Variants in SLC25A44 observed in about 807,000 individuals in gnomAD.
SLC25A44 encodes the protein solute carrier family 25, member 44.
Under a neutral mutation model 29.9 loss-of-function variants are expected in SLC25A44, and 17 were observed. That is an observed-to-expected ratio of 0.57 (90% CI 0.39 to 0.85). The LOEUF (loss-of-function observed/expected upper bound fraction) is 0.85. Ranked by LOEUF, SLC25A44 falls within the 40% of genes least tolerant of loss-of-function variation. The probability of loss-of-function intolerance (pLI) is 0.00; values close to 1 mark genes in which losing one functional copy is unlikely to be tolerated. For synonymous variants in SLC25A44, 140 were observed against 151.8 expected (o/e 0.92, Z 0.57); for missense variants, 302 against 398.4 (o/e 0.76, Z 2.06).
intron 2 of SLC25A44, among the ~76,000 whole-genome samples, chr1:156,201,458 A>G (rs1159249245): frequency 6.6e-6 from 1 of 152,182 alleles, no homozygotes; most frequent in Non-Finnish European, 1.5e-5. Context: ...AACCCTTGGT[A>G]GTGGGCATTC....
At position 156,210,507 on chromosome 1, in the gene SLC25A44, C is replaced by A; in HGVS notation, c.*76C>A. 1 of 1,084,364 alleles carries A rather than the reference C, an allele frequency of 9.2e-7. No homozygotes were observed. The allele number at this position is 1,084,364 out of a possible 1,614,324, so 67.2% of individuals were successfully genotyped here. A position where few individuals can be genotyped will look rare whatever the true frequency, so the allele number is the denominator to read the frequency against. On this transcript the variant is annotated 3_prime_UTR_variant, in exon 4 of 4. Coordinates refer to ENST00000359511, the MANE Select transcript of SLC25A44 (RefSeq NM_014655.4). ...GGCAGAGTGGAGAGGACAGCACCCT[C>A]TCCAGGTGCTCCCACCACACACCCA... is the stretch of plus-strand genomic sequence containing the variant.
chr1:156,210,536 C>A lies in SLC25A44; in HGVS notation c.*105C>A. 1.3e-6 allele frequency: 1 copy of A among 783,108 alleles called. No homozygotes were observed. The highest frequency in any genetic ancestry group is 3.1e-5 in the East Asian group (1 of 32,210). 48.5% of individuals were successfully genotyped at this position (783,108 alleles called of 1,614,324 possible). A position where few individuals can be genotyped will look rare whatever the true frequency, so the allele number is the denominator to read the frequency against. On this transcript the variant is annotated 3_prime_UTR_variant, in exon 4 of 4. Transcript: ENST00000359511. ...AGGTGCTCCCACCACACACCCAGCC[C>A]TGCCCTGGGCCAAGTGGCCTATCTG... is the stretch of plus-strand genomic sequence containing the variant.
chr1:156,201,145 C>G (rs1488426565), intron 2 of SLC25A44, among the ~76,000 whole-genome samples: 3 of 152,056 alleles, frequency 2.0e-5, no homozygotes, highest in Non-Finnish European at 2.9e-5. Context: ...ATTTTAAATT[C>G]AAGGTGTGAT....
chr1:156,206,323 T>A (rs1656929800), intron 2 of SLC25A44, among the ~76,000 whole-genome samples: 1 of 151,590 alleles, frequency 6.6e-6, no homozygotes, highest in South Asian at 2.1e-4. Flanking sequence ...ATGCAGCCTC[T>A]GCCTCCCAGG....
At chr1:156,195,394 T>G (rs1572445868) in intron 1 of SLC25A44, among the ~76,000 whole-genome samples, 1 of 152,104 alleles carries the variant, frequency 6.6e-6, no homozygotes, top group East Asian at 1.9e-4. Flanking sequence ...CGGCCTCACC[T>G]CAGTTCTCGG....
At chr1:156,197,907 T>C (rs1029416282) in intron 1 of SLC25A44, 1 of 152,224 alleles carries the variant, frequency 6.6e-6, no homozygotes, top group Non-Finnish European at 1.5e-5. Flanking sequence ...ACGAAAGTTA[T>C]ACGGTCCAGC....
intron 2 of SLC25A44, among the ~76,000 whole-genome samples, chr1:156,201,436 C>G (rs1394850078): frequency 6.6e-5 from 10 of 152,190 alleles, no homozygotes; most frequent in Non-Finnish European, 1.5e-5. Flanking sequence ...CTAATCCCTG[C>G]TGTTGGCTCC....
At chr1:156,197,910 G>A (rs1320849988) in intron 1 of SLC25A44, 1 of 152,128 alleles carries the variant, frequency 6.6e-6, no homozygotes, top group Admixed American at 6.5e-5. Flanking sequence ...AAAGTTATAC[G>A]GTCCAGCTCA....
At chr1:156,194,930 T>C (rs2103027420) in intron 1 of SLC25A44, among the ~76,000 whole-genome samples, 1 of 152,262 alleles carries the variant, frequency 6.6e-6, no homozygotes, top group African/African-American at 2.4e-5. Flanking sequence ...CACCCTGAAA[T>C]TCTGTATTTC....
chr1:156,207,187 T>C (rs1367048331), intron 2 of SLC25A44, among the ~76,000 whole-genome samples: 1 of 151,626 alleles, frequency 6.6e-6, no homozygotes, highest in Non-Finnish European at 1.5e-5. Context: ...CATTTTTTTT[T>C]TTTTTTTTGA....
intron 2 of SLC25A44, among the ~76,000 whole-genome samples, chr1:156,206,896 G>A (rs1251579448): frequency 6.6e-6 from 1 of 152,164 alleles, no homozygotes; most frequent in Non-Finnish European, 1.5e-5. Flanking sequence ...CAAATATTTA[G>A]TGTGTGCTTT....
chr1:156,209,376 T>C (rs528168070), intron 3 of SLC25A44, among the ~76,000 whole-genome samples: 81 of 151,816 alleles, frequency 5.3e-4, no homozygotes, highest in African/African-American at 1.7e-3. Context: ...TGAGAGAGTA[T>C]TGGAGAGGAA....
At chr1:156,207,721 A>C in intron 2 of SLC25A44, 165 bp from the exon 3 acceptor site, 1 of 651,558 alleles carries the variant, frequency 1.5e-6, no homozygotes, top group Non-Finnish European at 2.6e-6. Flanking sequence ...CCTGAGACTT[A>C]ATAGTTTTTT....
intron 1 of SLC25A44, chr1:156,197,107 G>GC (rs891788620): frequency 2.0e-5 from 3 of 152,210 alleles, no homozygotes; most frequent in African/African-American, 7.2e-5. Context: ...CAATCCTGGT[G>GC]TTTCTCTGTA....
chr1:156,208,636 G>A (rs948875756), intron 3 of SLC25A44, among the ~76,000 whole-genome samples: 1 of 152,096 alleles, frequency 6.6e-6, no homozygotes, highest in African/African-American at 2.4e-5. Flanking sequence ...TAGCCTATTA[G>A]CATAGCCTAT....
At chr1:156,210,147 C>G in intron 3 of SLC25A44, 93 bp from the exon 4 acceptor site, 1 of 885,116 alleles carries the variant, frequency 1.1e-6, no homozygotes, top group East Asian at 2.7e-5. Context: ...ACGTCGGAGT[C>G]TGGTTCTCCC....
At chr1:156,196,545 T>A (rs1322640277) in intron 1 of SLC25A44, 2 of 152,238 alleles carry the variant, frequency 1.3e-5, no homozygotes, top group Non-Finnish European at 2.9e-5. Flanking sequence ...GAAGGTGCCA[T>A]GAAACCAGGT....
Position 156,210,283 on chromosome 1 carries a change from T to C in SLC25A44, c.797T>C (p.Met266Thr), listed in dbSNP as rs748669800. ...ATCATCCTGACCTTCAGACAGCTGATGGCAGAAGAAGGGCCTTGGGGCCTC... is the reference window on the plus strand; with the variant it reads ...ATCATCCTGACCTTCAGACAGCTGACGGCAGAAGAAGGGCCTTGGGGCCTC... ...NSIILTFRQLMAEEGPWGLMK... is the reference protein window; with the variant it reads ...NSIILTFRQLTAEEGPWGLMK... Residue 266 changes from methionine to threonine, a missense_variant, in exon 4 of 4, where the codon ATG becomes ACG. Physicochemically the swap from Met to Thr is moderately conservative, Grantham distance 81. Transcript: ENST00000359511. 7 of 1,594,208 alleles carry C rather than the reference T, an allele frequency of 4.4e-6. No homozygotes were observed. The highest frequency in any genetic ancestry group is 2.7e-5 in the African/African-American group (2 of 74,122).
intron 1 of SLC25A44, 60 bp from the exon 2 acceptor site, chr1:156,199,775 G>C (rs1656433072): frequency 6.8e-7 from 1 of 1,469,046 alleles, no homozygotes; most frequent in Non-Finnish European, 9.3e-7. Flanking sequence ...CCAGCCAGAA[G>C]GGGAAAGCAC....
Sources: allele counts gnomAD v4.1 joint callset (sites outside exome capture counted in the v4.1 genomes callset), GRCh38; gene constraint gnomAD v4.1.1; transcripts MANE v1.5; gene names NCBI Gene and HGNC (gene_info 2026-07-23, HGNC 2026-07-21).